Variants in ADAMTSL3 observed in about 807,000 individuals in gnomAD.
The protein encoded by ADAMTSL3 is ADAMTS like 3.
ADAMTSL3 carries 128 observed loss-of-function variants against 201.7 expected under a neutral mutation model. The ratio of observed to expected loss-of-function variants is 0.63; its 90% CI spans 0.55 to 0.73. ADAMTSL3 has a LOEUF of 0.73. Ranked by LOEUF, ADAMTSL3 falls within the 30% of genes least tolerant of loss-of-function variation. The probability of loss-of-function intolerance (pLI) is 0.00; values close to 1 mark genes in which losing one functional copy is unlikely to be tolerated. For missense variants in ADAMTSL3, 1,990 were observed against 2,119.6 expected, an observed-to-expected ratio of 0.94 and a Z score of 1.20; for synonymous variants, 738 against 748.4, an observed-to-expected ratio of 0.99 and a Z score of 0.23.
rs576784265 is a variant in ADAMTSL3, at chr15:83,806,346, C to T, written c.363+1651C>T. ...CACTACTGCCCTAAACTCCTGCAGC[C>T]TAGGCTATTGAAGCACTCACAGATA... On this transcript the variant is annotated intron_variant, in intron 5 of 29. Transcript: ENST00000286744. Among the ~76,000 whole-genome samples, 21 of 152,316 alleles carry T rather than the reference C, an allele frequency of 1.4e-4. No individual in the cohort carries two copies. The East Asian group carries it at 2.9e-3, about 21-fold the overall frequency.
rs186849131 is a variant in ADAMTSL3, at chr15:83,664,222, C to A, written c.69+8392C>A. On this transcript the variant is annotated intron_variant, in intron 2 of 29. Transcript: ENST00000286744. Reference sequence around the variant, plus strand: ...TGTAAACATTAAAAATAAACACAATCTTCATAACTCTGTTTTGGCTTTTCT... The same window carrying A: ...TGTAAACATTAAAAATAAACACAATATTCATAACTCTGTTTTGGCTTTTCT... 1.4e-3 allele frequency among the ~76,000 whole-genome samples: 210 copies of A among 152,146 alleles called. 2 individuals are homozygous for A. Among genetic ancestry groups the A allele is most frequent in the Admixed American group, 0.012 (187 of 15,294 alleles).
chr15:83,855,454 A>G (rs908563127), intron 7 of ADAMTSL3, among the ~76,000 whole-genome samples: 10 of 152,226 alleles, frequency 6.6e-5, no homozygotes, highest in African/African-American at 2.4e-4. Flanking sequence ...GATAAACCAA[A>G]GACAGCTTTG....
intron 20 of ADAMTSL3, among the ~76,000 whole-genome samples, chr15:83,973,839 A>G (rs2067236787): frequency 1.3e-5 from 2 of 152,232 alleles, no homozygotes; most frequent in Admixed American, 1.3e-4. Context: ...CAGGCCCAGT[A>G]GTGCTGTGAA....
chr15:83,704,298 G>A (rs2061817827), intron 2 of ADAMTSL3, 91 bp from the exon 3 acceptor site: 2 of 1,570,472 alleles, frequency 1.3e-6, no homozygotes, highest in Non-Finnish European at 1.7e-6. Flanking sequence ...GCTATTAATG[G>A]TGGATTCTCC....
In ADAMTSL3 at chr15:83,822,560, C is replaced by T. The variant is rs551292371; in HGVS notation, c.600+2513C>T. Among the ~76,000 whole-genome samples the T allele has an allele frequency of 3.5e-5, 5 of 141,238 alleles. No individual in the cohort carries two copies. In the South Asian group the frequency reaches 1.2e-3, roughly 33 times the overall value. The allele number at this position is 141,238 out of a possible 152,430, so 92.7% of individuals were successfully genotyped here. A position where few individuals can be genotyped will look rare whatever the true frequency, so the allele number is the denominator to read the frequency against. On this transcript the variant is annotated intron_variant, in intron 6 of 29. Coordinates refer to ENST00000286744, the MANE Select transcript of ADAMTSL3 (RefSeq NM_207517.3). ...GGCGCTCCTCACATCCCAGACGGGG[C>T]GGCGGGGCAGAGGCGCTCCCCACAT...
At chr15:83,816,543 C>G (rs933866914) in intron 5 of ADAMTSL3, among the ~76,000 whole-genome samples, 1 of 152,214 alleles carries the variant, frequency 6.6e-6, no homozygotes, top group African/African-American at 2.4e-5. Flanking sequence ...GAGCCTAATG[C>G]AAAGAAGTTG....
At chr15:83,797,532 C>T (rs1457093928) in intron 4 of ADAMTSL3, among the ~76,000 whole-genome samples, 2 of 151,972 alleles carry the variant, frequency 1.3e-5, no homozygotes, top group Non-Finnish European at 1.5e-5. Flanking sequence ...GCCCAGGAGG[C>T]GGAGGTTGCA....
At chr15:83,750,998 C>T (rs1194855543) in intron 3 of ADAMTSL3, among the ~76,000 whole-genome samples, 1 of 152,182 alleles carries the variant, frequency 6.6e-6, no homozygotes, top group Non-Finnish European at 1.5e-5. Flanking sequence ...TTAAGTCCCT[C>T]TTGTATGTCA....
At chr15:83,754,744 G>A (rs924950955) in intron 3 of ADAMTSL3, among the ~76,000 whole-genome samples, 1 of 152,000 alleles carries the variant, frequency 6.6e-6, no homozygotes, top group African/African-American at 2.4e-5. Flanking sequence ...AATTTTATGT[G>A]AATTTAATAG....
chr15:83,862,011 G>A (rs2064873566), intron 8 of ADAMTSL3: 1 of 152,256 alleles, frequency 6.6e-6, no homozygotes, highest in Non-Finnish European at 1.5e-5. Context: ...TGGAAGAAAG[G>A]GTGTCCGTGA....
chr15:83,965,274 A>C (rs1309648722), intron 19 of ADAMTSL3, among the ~76,000 whole-genome samples: 1 of 150,344 alleles, frequency 6.7e-6, no homozygotes, highest in African/African-American at 2.4e-5. Flanking sequence ...TATTCAGGAG[A>C]CCCATCTCAT....
intron 6 of ADAMTSL3, among the ~76,000 whole-genome samples, chr15:83,836,041 G>A (rs1294010393): frequency 6.6e-6 from 1 of 152,176 alleles, no homozygotes; most frequent in Non-Finnish European, 1.5e-5. Context: ...ATGAAATAAT[G>A]TGTACAATAT....
intron 8 of ADAMTSL3, among the ~76,000 whole-genome samples, chr15:83,864,688 C>A (rs1301316647): frequency 6.6e-6 from 1 of 152,190 alleles, no homozygotes; most frequent in Non-Finnish European, 1.5e-5. Context: ...GAAGCATTCC[C>A]TTTGAAAACT....
At chr15:83,723,528 C>A (rs578089963) in intron 3 of ADAMTSL3, among the ~76,000 whole-genome samples, 5 of 152,210 alleles carry the variant, frequency 3.3e-5, no homozygotes, top group African/African-American at 1.2e-4. Context: ...TAATACTTGA[C>A]AACCAGAAAC....
Position 83,892,733 on chromosome 15 carries a change from A to T in ADAMTSL3, c.1312A>T (p.Ile438Phe). 2 of 1,614,080 alleles carry T rather than the reference A, an allele frequency of 1.2e-6. No individual in the cohort carries two copies. Among genetic ancestry groups the T allele is most frequent in the Non-Finnish European group, 1.7e-6 (2 of 1,180,006 alleles). The change falls in exon 13 of 30, where the codon ATT becomes TTT. Residue 438 changes from isoleucine to phenylalanine, a missense_variant. Coordinates refer to ENST00000286744, the MANE Select transcript of ADAMTSL3 (RefSeq NM_207517.3). ...TACSVSCGGG[I>F]QRRSFVCVEE... ...ATGTTCCGTGTCCTGTGGAGGAGGGATTCAGAGACGGAGCTTTGTGTGTGT... is the reference window on the plus strand; with the variant it reads ...ATGTTCCGTGTCCTGTGGAGGAGGGTTTCAGAGACGGAGCTTTGTGTGTGT...
chr15:83,911,825 A>G (rs2141956528), intron 15 of ADAMTSL3, among the ~76,000 whole-genome samples: 1 of 152,296 alleles, frequency 6.6e-6, no homozygotes, highest in African/African-American at 2.4e-5. Flanking sequence ...AAGCTTTGGA[A>G]CTGCATCTTA....
At chr15:83,820,870 A>G (rs2063852263) in intron 6 of ADAMTSL3, among the ~76,000 whole-genome samples, 1 of 152,000 alleles carries the variant, frequency 6.6e-6, no homozygotes, top group African/African-American at 2.4e-5. Flanking sequence ...AGGTCAGGAG[A>G]TCAAGACCAG....
chr15:83,782,912 G>GTA (rs35212776), intron 4 of ADAMTSL3, among the ~76,000 whole-genome samples: 67 of 145,318 alleles, frequency 4.6e-4, no homozygotes, highest in South Asian at 1.1e-3. Flanking sequence ...AATGGATAGC[G>GTA]TATATATATA....
At chr15:83,929,699 C>CAGAG (rs1555461707) in intron 17 of ADAMTSL3, among the ~76,000 whole-genome samples, 1 of 150,224 alleles carries the variant, frequency 6.7e-6, no homozygotes, top group African/African-American at 2.5e-5. Context: ...CACACACACA[C>CAGAG]AGAGAGAGAC....
Sources: allele counts gnomAD v4.1 joint callset (sites outside exome capture counted in the v4.1 genomes callset), GRCh38; gene constraint gnomAD v4.1.1; transcripts MANE v1.5; gene names NCBI Gene and HGNC (gene_info 2026-07-23, HGNC 2026-07-21).